The following NRCAM variants were observed in gnomAD, a reference collection of about 807,000 sequenced individuals.
The protein encoded by NRCAM is NgCAM-related cell adhesion molecule.
A neutral mutation model predicts 156.5 loss-of-function variants in NRCAM; 83 were observed. The ratio of observed to expected loss-of-function variants is 0.53; its 90% CI spans 0.44 to 0.64. The LOEUF (loss-of-function observed/expected upper bound fraction) is 0.64. Among genes scored for constraint, NRCAM ranks in the 30% least tolerant of loss-of-function variants. NRCAM has a pLI of 0.00. For missense variants in NRCAM, 1,417 were observed against 1,597.3 expected (o/e 0.89, Z 1.92); for synonymous variants, 538 against 563.9 (o/e 0.95, Z 0.65).
chr7:108,169,175 T>C (rs1001180582), intron 28 of NRCAM, among the ~76,000 whole-genome samples: 1 of 152,208 alleles, frequency 6.6e-6, no homozygotes. Context: ...GCAACCTAAA[T>C]AGCTTCTTAA....
At chr7:108,299,126 G>GAAAGAAAGAAAA (rs2098530767) in intron 3 of NRCAM, among the ~76,000 whole-genome samples, 1 of 62,302 alleles carries the variant, frequency 1.6e-5, no homozygotes, top group Admixed American at 1.8e-4. Context: ...AAGAAAGAAA[G>GAAAGAAAGAAAA]AAAGAAAGAA....
At chr7:108,241,052 G>T (rs1039400748) in intron 3 of NRCAM, among the ~76,000 whole-genome samples, 7 of 152,014 alleles carry the variant, frequency 4.6e-5, no homozygotes, top group African/African-American at 1.7e-4. Flanking sequence ...ATTTCTTATG[G>T]ATCAGTTAAA....
chr7:108,245,254 T>C (rs888424396), intron 3 of NRCAM, among the ~76,000 whole-genome samples: 1 of 152,130 alleles, frequency 6.6e-6, no homozygotes, highest in African/African-American at 2.4e-5. Flanking sequence ...TCCCTAGCAT[T>C]TCCCTCCCTC....
At position 108,399,818 on chromosome 7, in the gene NRCAM, T is replaced by A. The variant is rs186450799; in HGVS notation, c.-331-225A>T. ...CAGGTAATGAAAATAGGTAACATAA[T>A]TCCAATTACATTGCAGTGTAGGACA... On this transcript the variant is annotated intron_variant, in intron 1 of 32. Transcript: ENST00000379028. Among the ~76,000 whole-genome samples the A allele has an allele frequency of 6.9e-4, 105 of 152,312 alleles. 1 individual carries two copies. The East Asian group carries it at 0.013, about 18-fold the overall frequency.
intron 3 of NRCAM, among the ~76,000 whole-genome samples, chr7:108,278,549 G>T (rs1382950950): frequency 6.6e-6 from 1 of 152,180 alleles, no homozygotes; most frequent in South Asian, 2.1e-4. Flanking sequence ...CTCCGTGGGC[G>T]TGGGACCTGC....
chr7:108,226,425 C>G, intron 8 of NRCAM, 47 bp from the exon 9 acceptor site: 3 of 1,413,986 alleles, frequency 2.1e-6, no homozygotes, highest in Non-Finnish European at 3.0e-6. Context: ...CATAAAGTGG[C>G]TACCCTCCAA....
chr7:108,271,738 T>C (rs574692914), intron 3 of NRCAM, among the ~76,000 whole-genome samples: 19 of 151,794 alleles, frequency 1.3e-4, no homozygotes, highest in Admixed American at 5.2e-4. Flanking sequence ...GAGATTACCA[T>C]AGGGTAACCT....
At chr7:108,428,005 T>C (rs1021094562) in intron 1 of NRCAM, among the ~76,000 whole-genome samples, 2 of 152,192 alleles carry the variant, frequency 1.3e-5, no homozygotes, top group Non-Finnish European at 2.9e-5. Flanking sequence ...TTCTAAAGTA[T>C]GTATAATAAA....
At chr7:108,406,124 A>G (rs138230546) in intron 1 of NRCAM, among the ~76,000 whole-genome samples, 20 of 152,202 alleles carry the variant, frequency 1.3e-4, no homozygotes, top group African/African-American at 4.6e-4. Flanking sequence ...AAATACTGTG[A>G]ACAACAAATA....
chr7:108,276,204 A>G (rs1473875683), intron 3 of NRCAM, among the ~76,000 whole-genome samples: 1 of 152,138 alleles, frequency 6.6e-6, no homozygotes, highest in Non-Finnish European at 1.5e-5. Flanking sequence ...AAGAATGTAT[A>G]TTCTGTTGAT....
At chr7:108,269,717 TTAAA>T (rs2097268683) in intron 3 of NRCAM, among the ~76,000 whole-genome samples, 1 of 152,236 alleles carries the variant, frequency 6.6e-6, no homozygotes, top group Non-Finnish European at 1.5e-5. Flanking sequence ...AATCAGTCAG[TTAAA>T]TAATCAAATG....
chr7:108,377,527 A>T (rs1351287140), intron 2 of NRCAM, among the ~76,000 whole-genome samples: 1 of 152,200 alleles, frequency 6.6e-6, no homozygotes, highest in Non-Finnish European at 1.5e-5. Context: ...TTCAGAAAGT[A>T]ATGCAATCCC....
chr7:108,277,587 A>C lies in NRCAM; in HGVS notation c.-107+35078T>G, dbSNP rs141261479. 5.3e-3 allele frequency among the ~76,000 whole-genome samples: 801 copies of C among 152,052 alleles called. 5 individuals carry two copies. Among genetic ancestry groups the C allele is most frequent in the African/African-American group, 0.018 (739 of 41,498 alleles). Reference sequence around the variant, plus strand: ...TTGTACTGTGGTTTTCAGCTCCATCAGGTCATTTGAGGTCTTCTCTACACT... The same window carrying C: ...TTGTACTGTGGTTTTCAGCTCCATCCGGTCATTTGAGGTCTTCTCTACACT... On this transcript the variant is annotated intron_variant, in intron 3 of 32. Coordinates refer to ENST00000379028, the MANE Select transcript of NRCAM (RefSeq NM_001037132.4).
chr7:108,166,613 T>C (rs1436720880), intron 30 of NRCAM, among the ~76,000 whole-genome samples: 1 of 152,204 alleles, frequency 6.6e-6, no homozygotes, highest in Non-Finnish European at 1.5e-5. Context: ...AGTTTAACAC[T>C]GAGGGAAAGT....
At chr7:108,357,897 C>G (rs1448652987) in intron 2 of NRCAM, among the ~76,000 whole-genome samples, 2 of 152,250 alleles carry the variant, frequency 1.3e-5, no homozygotes, top group East Asian at 3.9e-4. Flanking sequence ...AACATTACTC[C>G]TTTGGCCATC....
chr7:108,191,901 A>G, intron 17 of NRCAM, 48 bp from the exon 18 acceptor site: 1 of 1,572,408 alleles, frequency 6.4e-7, no homozygotes, highest in Non-Finnish European at 8.7e-7. Flanking sequence ...ATGCAGCCGT[A>G]CCCTATAATT....
At chr7:108,361,939 G>A (rs529142529) in intron 2 of NRCAM, among the ~76,000 whole-genome samples, 1 of 151,954 alleles carries the variant, frequency 6.6e-6, no homozygotes, top group African/African-American at 2.4e-5. Flanking sequence ...ATGTAATTCG[G>A]CAGTTTTTCT....
In NRCAM at chr7:108,226,453, A is replaced by G. The variant is rs1024598530; in HGVS notation, c.551-75T>C. ...CCCTCCAAATTAGCAAGATAAATGT[A>G]CCTACTAATAGGTCTGTGAACTTCA... On this transcript the variant is annotated intron_variant, in intron 8 of 32. Coordinates refer to ENST00000379028, the MANE Select transcript of NRCAM (RefSeq NM_001037132.4). 3 of 987,360 alleles carry G rather than the reference A, an allele frequency of 3.0e-6. No individual in the cohort carries two copies. In the African/African-American group the frequency reaches 4.9e-5, roughly 16 times the overall value. 61.2% of individuals were successfully genotyped at this position (987,360 alleles called of 1,614,324 possible). A position where few individuals can be genotyped will look rare whatever the true frequency, so the allele number is the denominator to read the frequency against.
At chr7:108,158,709 A>G (rs2046990783) in intron 32 of NRCAM, among the ~76,000 whole-genome samples, 1 of 152,184 alleles carries the variant, frequency 6.6e-6, no homozygotes, top group African/African-American at 2.4e-5. Context: ...TTAAAAAGGT[A>G]TACTTTTAGA....
Sources: allele counts gnomAD v4.1 joint callset (sites outside exome capture counted in the v4.1 genomes callset), GRCh38; gene constraint gnomAD v4.1.1; transcripts MANE v1.5; gene names NCBI Gene and HGNC (gene_info 2026-07-23, HGNC 2026-07-21).